CEACAM6: variants seen among roughly 807,000 people sequenced by gnomAD.
CEACAM6 encodes cell adhesion molecule CEACAM6.
Under a neutral mutation model 32.4 loss-of-function variants are expected in CEACAM6, and 21 were observed. That is an observed-to-expected ratio of 0.65 (90% CI 0.46 to 0.93). CEACAM6 has a LOEUF of 0.93. Among genes scored for constraint, CEACAM6 ranks in the 40% least tolerant of loss-of-function variants. The pLI is 0.00. For missense variants in CEACAM6, 406 were observed against 432.2 expected, an observed-to-expected ratio of 0.94 and a Z score of 0.54; for synonymous variants, 184 against 174.4, an observed-to-expected ratio of 1.06 and a Z score of -0.43.
chr19:41,761,982 C>G lies in CEACAM6; in HGVS notation c.717C>G (p.Val239=), dbSNP rs781823174. The stretch of plus-strand genomic sequence containing the variant: ...TGTTTCCTCCAGATGGCCCAGATGT[C>G]CCCACCATTTCCCCCTCAAAGGCCA... ...VTLNVLYGPD[V]PTISPSKANY... The change falls in exon 4 of 6, where the codon GTC becomes GTG. Residue 239 remains valine, a synonymous_variant. Coordinates refer to ENST00000199764, the MANE Select transcript of CEACAM6 (RefSeq NM_002483.7). 4 of 1,613,790 alleles carry G rather than the reference C, an allele frequency of 2.5e-6. No individual in the cohort carries two copies. Among genetic ancestry groups the G allele is most frequent in the Non-Finnish European group, 3.4e-6 (4 of 1,179,830 alleles).
intron 5 of CEACAM6, 67 bp downstream of exon 5, chr19:41,766,366 A>T: frequency 1.3e-6 from 1 of 759,004 alleles, no homozygotes; most frequent in South Asian, 2.0e-5. Flanking sequence ...AAAGGAAAAA[A>T]ACTTCTTCAC....
At chr19:41,765,664 T>C (rs567470658) in intron 4 of CEACAM6, among the ~76,000 whole-genome samples, 1 of 152,300 alleles carries the variant, frequency 6.6e-6, no homozygotes, top group Admixed American at 6.5e-5. Context: ...CCAAGACCGA[T>C]GGGGAGTCCT....
At chr19:41,758,190 T>A (rs2072900934) in intron 2 of CEACAM6, 1 of 152,340 alleles carries the variant, frequency 6.6e-6, no homozygotes, top group South Asian at 2.1e-4. Flanking sequence ...CTCCCTTCGA[T>A]CCACAGTCCC....
Position 41,761,254 on chromosome 19 carries a change from C to G in CEACAM6, c.430C>G (p.Leu144Val). Residue 144 changes from leucine to valine, a missense_variant, in exon 3 of 6, where the codon CTG (leucine) becomes GTG (valine). Transcript: ENST00000199764. Reference sequence around the variant, plus strand: ...TCTCTCTGTTTTCTGCACAGCGGAGCTGCCCAAGCCCTCCATCTCCAGCAA... The same window carrying G: ...TCTCTCTGTTTTCTGCACAGCGGAGGTGCCCAAGCCCTCCATCTCCAGCAA... ...ATGQFHVYPE[L>V]PKPSISSNNS... The G allele has an allele frequency of 6.2e-7, 1 of 1,614,210 alleles. No homozygotes were observed. Among genetic ancestry groups the G allele is most frequent in the Non-Finnish European group, 8.5e-7 (1 of 1,180,044 alleles).
intron 2 of CEACAM6, among the ~76,000 whole-genome samples, chr19:41,758,264 G>A (rs568083740): frequency 2.0e-4 from 30 of 152,164 alleles, no homozygotes; most frequent in Admixed American, 3.3e-4. Context: ...GGATAAAGGA[G>A]AGGACTTTGC....
At chr19:41,757,297 G>A (rs1401070306) in intron 2 of CEACAM6, among the ~76,000 whole-genome samples, 5 of 151,896 alleles carry the variant, frequency 3.3e-5, no homozygotes, top group Non-Finnish European at 5.9e-5. Context: ...GGCCTGAGGG[G>A]TCCCCCTAGG....
chr19:41,757,715 G>T (rs2072897921), intron 2 of CEACAM6, among the ~76,000 whole-genome samples: 2 of 152,200 alleles, frequency 1.3e-5, no homozygotes, highest in Non-Finnish European at 2.9e-5. Context: ...ATCAGGCCCA[G>T]GGCCCTCTGT....
At position 41,762,077 on chromosome 19, in the gene CEACAM6, G is replaced by A; in HGVS notation, c.812G>A (p.Trp271Ter). The stretch of plus-strand genomic sequence containing the variant: ...TCTAACCCACCTGCACAGTACTCTT[G>A]GTTTATCAATGGGACGTTCCAGCAA... ...AASNPPAQYS[W>*]FINGTFQQST... Residue 271 changes from tryptophan to a stop codon, truncating the protein, a stop_gained, in exon 4 of 6, where the codon TGG (tryptophan) becomes TAG (stop). Transcript: ENST00000199764. LOFTEE classifies it high-confidence loss of function. The A allele has an allele frequency of 6.2e-7, 1 of 1,614,136 alleles. No individual in the cohort carries two copies. The highest frequency in any genetic ancestry group is 8.5e-7 in the Non-Finnish European group (1 of 1,180,034).
intron 4 of CEACAM6, among the ~76,000 whole-genome samples, chr19:41,765,640 A>G (rs1308140406): frequency 6.6e-6 from 1 of 152,226 alleles, no homozygotes; most frequent in Non-Finnish European, 1.5e-5. Flanking sequence ...ATAGCAGTGC[A>G]GTTCTGAGTT....
Position 41,756,941 on chromosome 19 carries a change from G to A in CEACAM6, c.406G>A (p.Gly136Arg), listed in dbSNP as rs150210001. Reference sequence around the variant, plus strand: ...AGATCTTGTGAATGAAGAAGCAACCGGACAGTTCCATGTATACCGTGAGTA... The same window carrying A: ...AGATCTTGTGAATGAAGAAGCAACCAGACAGTTCCATGTATACCGTGAGTA... ...KSDLVNEEAT[G>R]QFHVYPELPK... Residue 136 changes from glycine (G) to arginine (R), a missense_variant, in exon 2 of 6, where the codon GGA becomes AGA. Physicochemically the swap from Gly to Arg is moderately radical, Grantham distance 125. Transcript: ENST00000199764. The A allele has an allele frequency of 4.1e-4, 656 of 1,610,428 alleles. 5 individuals carry two copies. The Admixed American group carries it at 0.01, about 26-fold the overall frequency.
intron 2 of CEACAM6, among the ~76,000 whole-genome samples, chr19:41,759,598 C>T (rs1011163207): frequency 6.6e-5 from 10 of 152,196 alleles, no homozygotes; most frequent in Non-Finnish European, 1.2e-4. Flanking sequence ...AAACCAACTT[C>T]AGCATCTTCA....
chr19:41,757,080 A>T lies in CEACAM6; in HGVS notation c.424+121A>T, dbSNP rs1169097880. On this transcript the variant is annotated intron_variant, in intron 2 of 5. Coordinates refer to ENST00000199764, the MANE Select transcript of CEACAM6 (RefSeq NM_002483.7). Reference sequence around the variant, plus strand: ...CATTACATCCTGTATCAGGGTTTGGACATTTAGTGCAGGACACACACGGGG... The same window carrying T: ...CATTACATCCTGTATCAGGGTTTGGTCATTTAGTGCAGGACACACACGGGG... The T allele has an allele frequency of 1.0e-5, 15 of 1,485,856 alleles. No individual in the cohort carries two copies. In the Admixed American group the frequency reaches 3.4e-4, roughly 33 times the overall value. 92.0% of individuals were successfully genotyped at this position (1,485,856 alleles called of 1,614,324 possible).
intron 4 of CEACAM6, among the ~76,000 whole-genome samples, chr19:41,765,711 C>T (rs1437518823): frequency 1.3e-5 from 2 of 152,190 alleles, no homozygotes; most frequent in Non-Finnish European, 2.9e-5. Flanking sequence ...CAGGGTCTCA[C>T]AGACCTGGGC....
chr19:41,762,757 T>C (rs2072934438), intron 4 of CEACAM6, among the ~76,000 whole-genome samples: 1 of 152,194 alleles, frequency 6.6e-6, no homozygotes, highest in Non-Finnish European at 1.5e-5. Flanking sequence ...GACCCCACCC[T>C]GAAGCCACCT....
intron 5 of CEACAM6, among the ~76,000 whole-genome samples, chr19:41,769,286 A>G (rs2072977908): frequency 6.6e-6 from 1 of 152,182 alleles, no homozygotes; most frequent in Admixed American, 6.5e-5. Context: ...AGCATTTGCA[A>G]TCAGCTACCA....
intron 4 of CEACAM6, among the ~76,000 whole-genome samples, chr19:41,762,610 T>G (rs1410942047): frequency 1.3e-5 from 2 of 152,130 alleles, no homozygotes; most frequent in Non-Finnish European, 1.5e-5. Flanking sequence ...ACCTACTCCA[T>G]AAGCTACAAG....
Position 41,771,951 on chromosome 19 carries a change from A to AT in CEACAM6, c.*1190_*1191insT, listed in dbSNP as rs1268151830. ...AAAATTAAAACCAATTTAAAAAAAA[A>AT]AAGAACACAGGAGATTCCAGTCTAC... On this transcript the variant is annotated 3_prime_UTR_variant, in exon 6 of 6. Coordinates refer to ENST00000199764, the MANE Select transcript of CEACAM6 (RefSeq NM_002483.7). 7 of 152,200 alleles carry AT rather than the reference A, an allele frequency of 4.6e-5. No individual in the cohort carries two copies. Among genetic ancestry groups the AT allele is most frequent in the African/African-American group, 1.4e-4 (6 of 41,452 alleles). The allele number at this position is 152,200 out of a possible 1,614,324, so 9.4% of individuals were successfully genotyped here.
At chr19:41,767,126 T>C (rs2072961467) in intron 5 of CEACAM6, among the ~76,000 whole-genome samples, 1 of 151,968 alleles carries the variant, frequency 6.6e-6, no homozygotes, top group African/African-American at 2.4e-5. Context: ...GTATAATTCC[T>C]CCATCTTAAT....
intron 4 of CEACAM6, among the ~76,000 whole-genome samples, 161 bp from the exon 5 acceptor site, chr19:41,766,022 C>A (rs1222594375): frequency 6.6e-6 from 1 of 152,230 alleles, no homozygotes; most frequent in African/African-American, 2.4e-5. Context: ...TGATCACCAA[C>A]CTAGAAACGT....
Sources: allele counts gnomAD v4.1 joint callset (sites outside exome capture counted in the v4.1 genomes callset), GRCh38; gene constraint gnomAD v4.1.1; transcripts MANE v1.5; gene names NCBI Gene and HGNC (gene_info 2026-07-23, HGNC 2026-07-21).